The following CENPP variants were observed in gnomAD, a reference collection of about 807,000 sequenced individuals.
The protein encoded by CENPP is centromere protein P.
CENPP carries 24 observed loss-of-function variants against 35.6 expected under a neutral mutation model. The ratio of observed to expected loss-of-function variants is 0.67; its 90% confidence interval spans 0.49 to 0.95. The LOEUF is 0.95. Ranked by LOEUF, CENPP falls within the 40% of genes least tolerant of loss-of-function variation. The pLI is 0.00. For missense variants in CENPP, 332 were observed against 345.3 expected (o/e 0.96, Z 0.31); for synonymous variants, 120 against 125.5 (o/e 0.96, Z 0.29).
At chr9:92,557,576 A>G (rs946110733) in intron 5 of CENPP, among the ~76,000 whole-genome samples, 9 of 151,934 alleles carry the variant, frequency 5.9e-5, no homozygotes, top group Non-Finnish European at 8.8e-5. Flanking sequence ...CTTGTCTTTG[A>G]GCTCTGAATT....
chr9:92,448,461 G>A (rs919406496), intron 5 of CENPP, among the ~76,000 whole-genome samples: 2 of 151,826 alleles, frequency 1.3e-5, no homozygotes, highest in African/African-American at 2.4e-5. Flanking sequence ...TGGTAGAGAC[G>A]GGGTTTCACC....
intron 4 of CENPP, among the ~76,000 whole-genome samples, chr9:92,347,854 G>A (rs1841335461): frequency 6.6e-6 from 1 of 152,020 alleles, no homozygotes; most frequent in Admixed American, 6.6e-5. Flanking sequence ...ATGTCTCAGG[G>A]CATTGTTACT....
rs1005158743 is a variant in CENPP at position 92,613,125 on chromosome 9, G to A, written c.843G>A (p.Ser281=). The A allele has an allele frequency of 1.2e-6, 2 of 1,614,138 alleles. No homozygotes were observed. Among genetic ancestry groups the A allele is most frequent in the Non-Finnish European group, 1.7e-6 (2 of 1,180,030 alleles). Residue 281 remains serine (S), a synonymous_variant, in exon 8 of 8, where the codon TCG becomes TCA. Transcript: ENST00000375587. ...IEAALESLIK[S]LCAEENN Reference sequence around the variant, plus strand: ...CTGCTCTGGAAAGCCTGATAAAATCGCTTTGTGCAGAGGAGAACAACTAGT... The same window carrying A: ...CTGCTCTGGAAAGCCTGATAAAATCACTTTGTGCAGAGGAGAACAACTAGT...
chr9:92,373,511 A>G (rs570006778), intron 4 of CENPP, among the ~76,000 whole-genome samples: 4 of 152,166 alleles, frequency 2.6e-5, no homozygotes, highest in South Asian at 2.1e-4. Context: ...ATTCTCTTGT[A>G]TCTCACTGAG....
chr9:92,419,228 A>G (rs1843710599), intron 5 of CENPP, among the ~76,000 whole-genome samples: 1 of 151,604 alleles, frequency 6.6e-6, no homozygotes, highest in Non-Finnish European at 1.5e-5. Flanking sequence ...CTCTTGCCTC[A>G]TCAATAAAAT....
At chr9:92,457,429 T>G in intron 5 of CENPP, 1 of 1,613,820 alleles carries the variant, frequency 6.2e-7, no homozygotes, top group Admixed American at 1.7e-5. Flanking sequence ...TTGGCACTGT[T>G]GGACAGAAGT....
At chr9:92,449,165 G>A (rs1844629040) in intron 5 of CENPP, among the ~76,000 whole-genome samples, 1 of 152,108 alleles carries the variant, frequency 6.6e-6, no homozygotes. Context: ...GATACAGGCT[G>A]GGTGTGGTGG....
At chr9:92,556,325 G>A (rs1353101581) in intron 5 of CENPP, among the ~76,000 whole-genome samples, 1 of 152,096 alleles carries the variant, frequency 6.6e-6, no homozygotes, top group Non-Finnish European at 1.5e-5. Context: ...CTATCTTGGA[G>A]AAAGTTCCAT....
At chr9:92,398,007 A>G (rs951407074) in intron 5 of CENPP, among the ~76,000 whole-genome samples, 12 of 152,166 alleles carry the variant, frequency 7.9e-5, no homozygotes, top group African/African-American at 2.9e-4. Flanking sequence ...CCGTATTTGT[A>G]ATGTTTCTCT....
At chr9:92,391,362 G>T (rs1842676796) in intron 5 of CENPP, among the ~76,000 whole-genome samples, 1 of 152,054 alleles carries the variant, frequency 6.6e-6, no homozygotes, top group Non-Finnish European at 1.5e-5. Flanking sequence ...AGCCGAGATG[G>T]TGCCACTGCA....
At chr9:92,610,195 AC>A (rs1273197201) in intron 5 of CENPP, among the ~76,000 whole-genome samples, 1 of 152,188 alleles carries the variant, frequency 6.6e-6, no homozygotes, top group Non-Finnish European at 1.5e-5. Context: ...GGCTGGGACT[AC>A]TGGCACGTGC....
intron 5 of CENPP, among the ~76,000 whole-genome samples, chr9:92,402,988 TTTTC>T (rs1318854226): frequency 3.3e-5 from 5 of 152,188 alleles, no homozygotes; most frequent in African/African-American, 7.2e-5. Context: ...TAAAGTCTAG[TTTTC>T]TTTAAGTTTT....
intron 4 of CENPP, among the ~76,000 whole-genome samples, chr9:92,378,138 T>C (rs1842165171): frequency 6.6e-6 from 1 of 152,196 alleles, no homozygotes; most frequent in Admixed American, 6.5e-5. Flanking sequence ...GTCTTTCCAA[T>C]AGCAGTACCC....
intron 5 of CENPP, among the ~76,000 whole-genome samples, chr9:92,572,773 A>C (rs1850176540): frequency 6.6e-6 from 1 of 152,160 alleles, no homozygotes; most frequent in African/African-American, 2.4e-5. Context: ...TATTTCTTGG[A>C]GGCTTTGTTC....
chr9:92,391,631 A>T (rs1030279785), intron 5 of CENPP, among the ~76,000 whole-genome samples: 1 of 152,052 alleles, frequency 6.6e-6, no homozygotes, highest in Non-Finnish European at 1.5e-5. Context: ...ACAAAAATCA[A>T]TAAACAGCAA....
At chr9:92,475,485 T>G (rs1845682648) in intron 5 of CENPP, among the ~76,000 whole-genome samples, 1 of 152,240 alleles carries the variant, frequency 6.6e-6, no homozygotes, top group Non-Finnish European at 1.5e-5. Flanking sequence ...CCTTTTTCCT[T>G]TAACTTTCAT....
At chr9:92,545,301 G>T (rs995924824) in intron 5 of CENPP, among the ~76,000 whole-genome samples, 3 of 152,194 alleles carry the variant, frequency 2.0e-5, no homozygotes, top group African/African-American at 7.2e-5. Context: ...CCAGGGCTGC[G>T]TGTGGCACTT....
intron 5 of CENPP, among the ~76,000 whole-genome samples, chr9:92,443,951 CTG>C (rs1844487897): frequency 6.6e-6 from 1 of 152,154 alleles, no homozygotes; most frequent in Admixed American, 6.5e-5. Flanking sequence ...GCATGAGCCA[CTG>C]TGCCCGGCCA....
At chr9:92,341,867 G>A (rs1002932928) in intron 3 of CENPP, among the ~76,000 whole-genome samples, 20 of 152,264 alleles carry the variant, frequency 1.3e-4, no homozygotes, top group African/African-American at 4.6e-4. Flanking sequence ...ATGAAAGCAT[G>A]ATTGAAAATT....
Sources: gnomAD v4.1 joint callset for allele counts (sites outside exome capture counted in the v4.1 genomes callset) on GRCh38, gnomAD v4.1.1 for gene constraint, MANE v1.5 for transcripts, NCBI Gene and HGNC (gene_info 2026-07-23, HGNC 2026-07-21) for gene names.